BICD1: variants seen among roughly 807,000 people sequenced by gnomAD.
BICD1 encodes BICD cargo adaptor 1, also known as protein bicaudal D homolog 1.
Under a neutral mutation model 92.5 loss-of-function variants are expected in BICD1, and 35 were observed. That is an observed-to-expected ratio of 0.38 (90% confidence interval 0.29 to 0.50). The LOEUF is 0.50. Among genes scored for constraint, BICD1 ranks in the 20% least tolerant of loss-of-function variants. The pLI is 0.93. For synonymous variants in BICD1, 429 were observed against 465.1 expected, an observed-to-expected ratio of 0.92 and a Z score of 1.00; for missense variants, 950 against 1,189.8, an observed-to-expected ratio of 0.80 and a Z score of 2.97.
At chr12:32,155,760 G>A (rs1419112558) in intron 1 of BICD1, among the ~76,000 whole-genome samples, 2 of 152,204 alleles carry the variant, frequency 1.3e-5, no homozygotes, top group East Asian at 3.8e-4. Context: ...CATTTGTTAA[G>A]ATATTAAGAT....
chr12:32,246,556 T>C (rs1946394166), intron 2 of BICD1, among the ~76,000 whole-genome samples: 1 of 152,118 alleles, frequency 6.6e-6, no homozygotes, highest in Non-Finnish European at 1.5e-5. Context: ...GAGGAATGCT[T>C]GAGCCTGGGG....
At chr12:32,233,322 T>TTTAAAAA (rs35803631) in intron 2 of BICD1, among the ~76,000 whole-genome samples, 1 of 127,080 alleles carries the variant, frequency 7.9e-6, no homozygotes, top group South Asian at 2.5e-4. Context: ...AGTCTGTCTT[T>TTTAAAAA]AAAAAAAAAA....
At chr12:32,241,141 G>T (rs1301984952) in intron 2 of BICD1, among the ~76,000 whole-genome samples, 1 of 152,182 alleles carries the variant, frequency 6.6e-6, no homozygotes, top group East Asian at 1.9e-4. Context: ...CGTGCAGAAA[G>T]TCATATGTAT....
intron 2 of BICD1, among the ~76,000 whole-genome samples, chr12:32,288,223 A>ATTTTTTTTTTTTT (rs34913740): frequency 5.5e-5 from 6 of 109,520 alleles, no homozygotes; most frequent in African/African-American, 1.8e-4. Flanking sequence ...CCAAGTCCTA[A>ATTTTTTTTTTTTT]TTTTTTTTTT....
chr12:32,143,753 C>G (rs1244440865), intron 1 of BICD1, among the ~76,000 whole-genome samples: 1 of 152,144 alleles, frequency 6.6e-6, no homozygotes, highest in Admixed American at 6.5e-5. Context: ...AATTTATTTA[C>G]CTTCCAGCAG....
At chr12:32,113,710 A>ATT (rs36110677) in intron 1 of BICD1, among the ~76,000 whole-genome samples, 12 of 122,308 alleles carry the variant, frequency 9.8e-5, no homozygotes, top group East Asian at 7.4e-4. Flanking sequence ...TGCTTGGGTA[A>ATT]TTTTTTTTTT....
intron 4 of BICD1, among the ~76,000 whole-genome samples, chr12:32,308,646 T>C (rs1183687040): frequency 6.6e-6 from 1 of 152,206 alleles, no homozygotes; most frequent in Non-Finnish European, 1.5e-5. Flanking sequence ...AAGGGACTGA[T>C]GTGGATACTG....
At chr12:32,263,570 A>G (rs144891581) in intron 2 of BICD1, among the ~76,000 whole-genome samples, 57 of 152,084 alleles carry the variant, frequency 3.7e-4, no homozygotes, top group African/African-American at 1.3e-3. Context: ...AAAAAGTATT[A>G]CAGAAAAGAA....
intron 2 of BICD1, among the ~76,000 whole-genome samples, chr12:32,243,161 G>A (rs903520213): frequency 3.3e-5 from 5 of 151,010 alleles, no homozygotes; most frequent in Non-Finnish European, 5.9e-5. Context: ...GCAGTGGTAC[G>A]ATCTTGGCTC....
intron 1 of BICD1, among the ~76,000 whole-genome samples, chr12:32,121,823 T>C (rs2121231427): frequency 6.6e-6 from 1 of 151,412 alleles, no homozygotes; most frequent in Admixed American, 6.6e-5. Context: ...TTTTTTTTTT[T>C]TTTTTTTTGA....
intron 8 of BICD1, among the ~76,000 whole-genome samples, chr12:32,356,530 G>C (rs1226035446): frequency 1.3e-5 from 2 of 152,056 alleles, no homozygotes; most frequent in Non-Finnish European, 2.9e-5. Context: ...GCACTGGGGA[G>C]GCTGAGGTGG....
intron 6 of BICD1, among the ~76,000 whole-genome samples, chr12:32,336,393 C>T (rs1020413463): frequency 2.0e-5 from 3 of 152,192 alleles, no homozygotes; most frequent in Non-Finnish European, 2.9e-5. Context: ...TTTCGGACAG[C>T]CTGCTGTATC....
chr12:32,357,615 C>A (rs1034286696), intron 8 of BICD1, among the ~76,000 whole-genome samples: 3 of 152,156 alleles, frequency 2.0e-5, no homozygotes, highest in African/African-American at 7.2e-5. Context: ...TCTCACAGTT[C>A]TGGAGGCCCG....
chr12:32,329,001 G>A (rs748117749), intron 5 of BICD1, among the ~76,000 whole-genome samples: 1 of 152,204 alleles, frequency 6.6e-6, no homozygotes, highest in African/African-American at 2.4e-5. Context: ...GGGTACATAT[G>A]GTGAAGAAGG....
intron 4 of BICD1, among the ~76,000 whole-genome samples, chr12:32,310,392 G>A (rs1039087137): frequency 1.8e-4 from 28 of 152,102 alleles, no homozygotes; most frequent in Admixed American, 1.8e-3. Flanking sequence ...ACCTGCCTTT[G>A]AACGTAACTG....
intron 9 of BICD1, among the ~76,000 whole-genome samples, chr12:32,369,283 C>G (rs566709473): frequency 6.6e-6 from 1 of 152,362 alleles, no homozygotes; most frequent in South Asian, 2.1e-4. Flanking sequence ...CTCCAGCCAC[C>G]TGGCCTCTGA....
intron 2 of BICD1, among the ~76,000 whole-genome samples, chr12:32,232,801 A>C (rs1483720730): frequency 2.0e-5 from 3 of 152,100 alleles, no homozygotes; most frequent in African/African-American, 7.2e-5. Context: ...TCAGCTTTCT[A>C]CATATGGCTA....
intron 2 of BICD1, among the ~76,000 whole-genome samples, chr12:32,271,471 T>G (rs1032266391): frequency 2.6e-5 from 4 of 152,200 alleles, no homozygotes; most frequent in Non-Finnish European, 4.4e-5. Context: ...TCCTATTTTA[T>G]TGTTCCTGGC....
At chr12:32,231,088 T>C (rs2650144) in intron 2 of BICD1, among the ~76,000 whole-genome samples, 62,675 of 151,706 alleles carry the variant, frequency 0.41, 13,221 homozygotes, top group Middle Eastern at 0.46. Context: ...CAGTTGCTCT[T>C]TATTCAAAAA....
Sources: gnomAD v4.1 joint callset for allele counts (sites outside exome capture counted in the v4.1 genomes callset) on GRCh38, gnomAD v4.1.1 for gene constraint, MANE v1.5 for transcripts, NCBI Gene and HGNC (gene_info 2026-07-23, HGNC 2026-07-21) for gene names.